The following COL18A1 variants were observed in gnomAD, a reference collection of about 807,000 sequenced individuals.
COL18A1 encodes collagen type XVIII alpha 1 chain, also known as collagen alpha-1(XVIII) chain.
In COL18A1, 133 loss-of-function variants were observed where a neutral mutation model predicts 168.0. The observed-to-expected ratio is 0.79, with a 90% CI of 0.69 to 0.91. The LOEUF (loss-of-function observed/expected upper bound fraction) is 0.91, where lower values mean the gene tolerates loss of function less well. Among genes scored for constraint, COL18A1 ranks in the 40% least tolerant of loss-of-function variants. COL18A1 has a pLI of 0.00. For missense variants in COL18A1, 2,126 were observed against 1,925.4 expected, an observed-to-expected ratio of 1.10 and a Z score of -1.95; for synonymous variants, 949 against 809.0, an observed-to-expected ratio of 1.17 and a Z score of -2.94.
Position 45,505,467 on chromosome 21 carries a change from C to T in COL18A1, c.3087+36C>T, listed in dbSNP as rs763593845. On this transcript the variant is annotated intron_variant, in intron 36 of 41. Transcript: ENST00000651438. ...GGGCAGCCGGCTGGGCACCTGCGTC[C>T]CGTGCCCTGGCTGGTTCTGCAGCCC... 14 of 1,138,656 alleles carry T rather than the reference C, an allele frequency of 1.2e-5. No homozygotes were observed. In the African/African-American group the frequency reaches 1.8e-4, roughly 15 times the overall value. The allele number at this position is 1,138,656 out of a possible 1,614,324, so 70.5% of individuals were successfully genotyped here.
At chr21:45,405,741 G>A (rs1254557077) in intron 2 of COL18A1, among the ~76,000 whole-genome samples, 4 of 150,794 alleles carry the variant, frequency 2.7e-5, no homozygotes, top group Non-Finnish European at 4.4e-5. Flanking sequence ...GAACCTCCGC[G>A]GCCGGCGGGG....
At chr21:45,438,796 A>G (rs781494783) in intron 2 of COL18A1, among the ~76,000 whole-genome samples, 4 of 152,214 alleles carry the variant, frequency 2.6e-5, no homozygotes, top group Non-Finnish European at 5.9e-5. Context: ...CTTATTAGAC[A>G]CGTTAGCAGG....
intron 2 of COL18A1, among the ~76,000 whole-genome samples, chr21:45,441,353 C>T (rs1036369088): frequency 6.6e-6 from 1 of 152,188 alleles, no homozygotes; most frequent in African/African-American, 2.4e-5. Context: ...CCCCTACTGT[C>T]CCCAGAAGAT....
chr21:45,441,744 C>T (rs991819594), intron 2 of COL18A1, among the ~76,000 whole-genome samples: 7 of 152,254 alleles, frequency 4.6e-5, no homozygotes, highest in African/African-American at 1.7e-4. Flanking sequence ...GCCGGGTCAG[C>T]TCTCACCTGT....
chr21:45,508,611 G>C (rs2037392554), intron 38 of COL18A1, among the ~76,000 whole-genome samples: 1 of 152,092 alleles, frequency 6.6e-6, no homozygotes, highest in African/African-American at 2.4e-5. Context: ...TAGAGGTCAT[G>C]ATTCCTTAAT....
intron 2 of COL18A1, among the ~76,000 whole-genome samples, chr21:45,435,597 A>T (rs1602374222): frequency 6.6e-6 from 1 of 151,904 alleles, no homozygotes; most frequent in African/African-American, 2.4e-5. Flanking sequence ...AGGCTGTGGG[A>T]GTCCGGGAGG....
chr21:45,495,426 C>T lies in COL18A1; in HGVS notation c.2502C>T (p.Gly834=), dbSNP rs562671437. 6.8e-6 allele frequency: 11 copies of T among 1,608,976 alleles called. No homozygotes were observed. The African/African-American group carries it at 1.2e-4, about 18-fold the overall frequency. ...CGGGAGATGCCAGCCTTGGATTTGGCATGAGGGTGAGTGTCTCTCAAGGGG... is the reference window on the plus strand; with the variant it reads ...CGGGAGATGCCAGCCTTGGATTTGGTATGAGGGTGAGTGTCTCTCAAGGGG... The part of the protein sequence containing the change: ...GEPGDASLGF[G]MRGMPGPPGP... Residue 834 remains glycine (G), a synonymous_variant, in exon 29 of 42, where the codon GGC becomes GGT. Transcript: ENST00000651438.
rs1382298065 is a variant in COL18A1, at chr21:45,456,856, CTG to C, written c.107-11381_107-11380del. ...CGCTCCCGACCCAGGAGGATGGGTA[CTG>C]TGTGCTCATTGGGCCGGCTGCAGGT... On this transcript the variant is annotated intron_variant, in intron 2 of 41. Transcript: ENST00000651438. 4.1e-6 allele frequency: 6 copies of C among 1,469,924 alleles called. No individual in the cohort carries two copies. In the Admixed American group the frequency reaches 1.3e-4, roughly 32 times the overall value. The allele number at this position is 1,469,924 out of a possible 1,614,324, so 91.1% of individuals were successfully genotyped here.
intron 39 of COL18A1, 118 bp from the exon 40 acceptor site, chr21:45,509,946 G>A (rs991124111): frequency 9.8e-6 from 12 of 1,221,902 alleles, no homozygotes; most frequent in East Asian, 2.6e-5. Context: ...CGCGCCTCCC[G>A]CTCAGCGCCC....
chr21:45,438,198 ACT>A (rs1298864505), intron 2 of COL18A1, among the ~76,000 whole-genome samples: 7 of 116,692 alleles, frequency 6.0e-5, no homozygotes, highest in Non-Finnish European at 1.2e-4. Context: ...ACACACAGGC[ACT>A]CTCCTGCACA....
intron 2 of COL18A1, among the ~76,000 whole-genome samples, chr21:45,428,818 A>G (rs2033877378): frequency 6.6e-6 from 1 of 152,012 alleles, no homozygotes; most frequent in African/African-American, 2.4e-5. Flanking sequence ...GTAATAGTCC[A>G]CCATAGATTC....
chr21:45,456,598 C>A (rs2034827571), intron 2 of COL18A1: 1 of 1,541,474 alleles, frequency 6.5e-7, no homozygotes, highest in Admixed American at 2.0e-5. Flanking sequence ...GGCTGCCCAA[C>A]CACCTCCACC....
chr21:45,503,866 A>C, intron 32 of COL18A1, 145 bp from the exon 33 acceptor site: 1 of 688,922 alleles, frequency 1.5e-6, no homozygotes, highest in Middle Eastern at 2.5e-4. Context: ...TCGGTTAACT[A>C]GGAAGAACCT....
At chr21:45,411,959 G>A (rs536823364) in intron 2 of COL18A1, among the ~76,000 whole-genome samples, 10 of 152,234 alleles carry the variant, frequency 6.6e-5, no homozygotes, top group African/African-American at 1.2e-4. Context: ...ATTGCCATGC[G>A]GGCAAACATT....
At chr21:45,456,629 CG>C in intron 2 of COL18A1, 1 of 1,538,456 alleles carries the variant, frequency 6.5e-7, no homozygotes, top group Non-Finnish European at 8.7e-7. Context: ...CGAGCAGGTG[CG>C]GGCCGGGGCA....
At chr21:45,426,782 C>T (rs1341906936) in intron 2 of COL18A1, among the ~76,000 whole-genome samples, 2 of 152,254 alleles carry the variant, frequency 1.3e-5, no homozygotes, top group Non-Finnish European at 2.9e-5. Context: ...CTTGCCCATT[C>T]TGGGGCCTCC....
chr21:45,511,259 G>C (rs762984829), intron 41 of COL18A1, 33 bp downstream of exon 41: 1 of 1,255,470 alleles, frequency 8.0e-7, no homozygotes. Flanking sequence ...GCAGCTCTGA[G>C]AGCCCCAGCC....
At position 45,405,320 on chromosome 21, in the gene COL18A1, C is replaced by CGGGTCCTGCGG. The variant is rs1555966547; in HGVS notation, c.12-53_12-43dup. The CGGGTCCTGCGG allele has an allele frequency of 1.3e-4, 50 of 385,624 alleles. No homozygotes were observed. In the Admixed American group the frequency reaches 5.7e-3, roughly 44 times the overall value. The allele number at this position is 385,624 out of a possible 1,614,324, so 23.9% of individuals were successfully genotyped here. On this transcript the variant is annotated intron_variant, in intron 1 of 41. Coordinates refer to ENST00000651438, the MANE Select transcript of COL18A1 (RefSeq NM_001379500.1). ...GGTCGCGGGGGTCGCGGGGCTCGGC[C>CGGGTCCTGCGG]GGGTCCTGCGGGGGTCGCGGGGGTC...
intron 2 of COL18A1, among the ~76,000 whole-genome samples, chr21:45,453,273 T>C (rs1422100086): frequency 2.6e-5 from 4 of 152,176 alleles, no homozygotes; most frequent in African/African-American, 7.2e-5. Flanking sequence ...GCACGTACGC[T>C]TATATGTACA....
Sources: gnomAD v4.1 joint callset for allele counts (sites outside exome capture counted in the v4.1 genomes callset) on GRCh38, gnomAD v4.1.1 for gene constraint, MANE v1.5 for transcripts, NCBI Gene and HGNC (gene_info 2026-07-23, HGNC 2026-07-21) for gene names.